TUT7: variants seen among roughly 807,000 people sequenced by gnomAD.
TUT7 encodes terminal uridylyltransferase 7.
TUT7 carries 33 observed loss-of-function variants against 165.9 expected under a neutral mutation model. The ratio of observed to expected loss-of-function variants is 0.20; its 90% CI spans 0.15 to 0.27. TUT7 has a LOEUF of 0.27. Ranked by LOEUF, TUT7 falls within the 10% of genes least tolerant of loss-of-function variation. TUT7 has a pLI of 1.00. For synonymous variants in TUT7, 552 were observed against 608.1 expected (o/e 0.91, Z 1.36); for missense variants, 1,338 against 1,762.3 (o/e 0.76, Z 4.31).
chr9:86,348,987 A>G (rs1832028867), intron 2 of TUT7, among the ~76,000 whole-genome samples: 1 of 152,126 alleles, frequency 6.6e-6, no homozygotes. Context: ...GGTACTGATG[A>G]AAAATTCTTG....
At chr9:86,331,949 T>C (rs1587967664) in intron 10 of TUT7, among the ~76,000 whole-genome samples, 1 of 152,116 alleles carries the variant, frequency 6.6e-6, no homozygotes, top group East Asian at 1.9e-4. Context: ...AAGGGCATGA[T>C]CAGATGCTTT....
chr9:86,323,902 T>C lies in TUT7; in HGVS notation c.1848A>G (p.Glu616=). 6.2e-7 allele frequency: 1 copy of C among 1,611,892 alleles called. No homozygotes were observed. ...TTGTCCTTAAACAATGAAGTATATA[T>C]TCAAACACAGGTTGACTATTTAGGG... is the stretch of plus-strand genomic sequence containing the variant. ...ARTLNSQPVF[E]YILHCLRTTY... is the part of the protein sequence containing the mutation. Residue 616 remains glutamate, a synonymous_variant, in exon 13 of 27, where the codon GAA becomes GAG. Coordinates refer to ENST00000375963, the MANE Select transcript of TUT7 (RefSeq NM_024617.4).
intron 26 of TUT7, among the ~76,000 whole-genome samples, chr9:86,296,342 T>C (rs1826316586): frequency 6.6e-6 from 1 of 152,248 alleles, no homozygotes; most frequent in Non-Finnish European, 1.5e-5. Context: ...ACTCATGTTC[T>C]TGACCATTCT....
At chr9:86,301,690 G>A (rs1433496102) in intron 25 of TUT7, 89 bp from the exon 26 acceptor site, 1 of 1,516,500 alleles carries the variant, frequency 6.6e-7, no homozygotes, top group Admixed American at 2.3e-5. Flanking sequence ...GGCAATTCTA[G>A]ATTTAAGAGA....
At chr9:86,329,188 T>C (rs1830079481) in intron 10 of TUT7, among the ~76,000 whole-genome samples, 1 of 151,956 alleles carries the variant, frequency 6.6e-6, no homozygotes, top group Non-Finnish European at 1.5e-5. Flanking sequence ...GCTGAACAGG[T>C]TTCTTCATCG....
chr9:86,305,314 A>G, intron 22 of TUT7, 75 bp from the exon 23 acceptor site: 1 of 987,366 alleles, frequency 1.0e-6, no homozygotes, highest in Admixed American at 2.5e-5. Flanking sequence ...AGTAAAGTTC[A>G]TAAAACAAGA....
chr9:86,333,982 G>C (rs1439273405), intron 10 of TUT7, among the ~76,000 whole-genome samples: 1 of 152,148 alleles, frequency 6.6e-6, no homozygotes, highest in Non-Finnish European at 1.5e-5. Context: ...TTGTAGTTCA[G>C]ACCTTGTGAT....
At chr9:86,346,502 T>G in intron 2 of TUT7, 22 bp from the exon 3 acceptor site, 2 of 1,607,180 alleles carry the variant, frequency 1.2e-6, no homozygotes, top group Non-Finnish European at 1.7e-6. Flanking sequence ...GGAAAAATAT[T>G]ATTGGCAATA....
At chr9:86,299,461 TG>T (rs1355891540) in intron 26 of TUT7, among the ~76,000 whole-genome samples, 1 of 152,182 alleles carries the variant, frequency 6.6e-6, no homozygotes, top group Non-Finnish European at 1.5e-5. Context: ...AAGAAGCAGC[TG>T]ATTATTTTTG....
intron 2 of TUT7, among the ~76,000 whole-genome samples, chr9:86,349,714 T>C (rs527446646): frequency 3.2e-4 from 49 of 152,316 alleles, no homozygotes; most frequent in African/African-American, 1.1e-3. Flanking sequence ...CAGTTGAATC[T>C]CTCTAAACTA....
rs7859436 is a variant in TUT7, at chr9:86,311,668, G to C, written c.3275-859C>G. 3.3e-5 allele frequency among the ~76,000 whole-genome samples: 5 copies of C among 151,950 alleles called. No individual in the cohort carries two copies. Among genetic ancestry groups the C allele is most frequent in the African/African-American group, 4.8e-5 (2 of 41,350 alleles). ...CTGATGCCGGTCTCCCTCTGATGCCGAGCCGAAGCTGGACTGTACCGCTGC... is the reference window on the plus strand; with the variant it reads ...CTGATGCCGGTCTCCCTCTGATGCCCAGCCGAAGCTGGACTGTACCGCTGC... On this transcript the variant is annotated intron_variant, in intron 17 of 26. Transcript: ENST00000375963. This position sits in a 1 kb window ranked among gnomAD's most constrained non-coding sequence, Gnocchi z 4.4.
At chr9:86,297,968 T>C (rs1440996960) in intron 26 of TUT7, among the ~76,000 whole-genome samples, 1 of 143,524 alleles carries the variant, frequency 7.0e-6, no homozygotes, top group Non-Finnish European at 1.5e-5. Context: ...TTTCCAATCC[T>C]GTTCCACTCC....
intron 26 of TUT7, among the ~76,000 whole-genome samples, chr9:86,294,218 A>G (rs1826114151): frequency 6.6e-6 from 1 of 151,672 alleles, no homozygotes; most frequent in Non-Finnish European, 1.5e-5. Context: ...CTACTTTACA[A>G]AAGAAAGGCG....
chr9:86,335,868 CTT>C lies in TUT7; in HGVS notation c.1455+1549_1455+1550del, dbSNP rs567741608. 7.9e-5 allele frequency among the ~76,000 whole-genome samples: 12 copies of C among 152,254 alleles called. No individual in the cohort carries two copies. The South Asian group carries it at 2.5e-3, about 32-fold the overall frequency. On this transcript the variant is annotated intron_variant, in intron 10 of 26. Transcript: ENST00000375963. ...CCAGTGTTTGATCACTGCATACCTG[CTT>C]TTGTCATTAAATTTTGAACAAACAT... is the stretch of plus-strand genomic sequence containing the variant.
intron 22 of TUT7, among the ~76,000 whole-genome samples, chr9:86,306,561 C>A (rs1334093899): frequency 2.0e-5 from 3 of 152,140 alleles, no homozygotes; most frequent in African/African-American, 4.8e-5. Flanking sequence ...AATCCCAGCA[C>A]TTTGGGAGGC....
At chr9:86,308,103 T>C (rs1827688294) in intron 22 of TUT7, among the ~76,000 whole-genome samples, 1 of 152,148 alleles carries the variant, frequency 6.6e-6, no homozygotes, top group African/African-American at 2.4e-5. Flanking sequence ...ATGAAGATCT[T>C]GAAAATTCAC....
intron 2 of TUT7, among the ~76,000 whole-genome samples, chr9:86,348,374 G>T (rs954165357): frequency 6.6e-6 from 1 of 152,192 alleles, no homozygotes; most frequent in Admixed American, 6.5e-5. Flanking sequence ...CCATTGTACA[G>T]ATGGGGACAA....
chr9:86,330,009 C>A (rs1244290581), intron 10 of TUT7, among the ~76,000 whole-genome samples: 5 of 152,132 alleles, frequency 3.3e-5, no homozygotes, highest in Admixed American at 3.3e-4. Context: ...TAGTCTCTTG[C>A]CCCAATTGGA....
At chr9:86,310,174 C>A (rs1827905315) in intron 18 of TUT7, among the ~76,000 whole-genome samples, 157 bp from the exon 19 acceptor site, 1 of 152,016 alleles carries the variant, frequency 6.6e-6, no homozygotes, top group Non-Finnish European at 1.5e-5. Flanking sequence ...CCCCATCAGC[C>A]TCCCAAAGTG....
Sources: allele counts gnomAD v4.1 joint callset (sites outside exome capture counted in the v4.1 genomes callset), GRCh38; gene constraint gnomAD v4.1.1; non-coding constraint Gnocchi (gnomAD v3.1); transcripts MANE v1.5; gene names NCBI Gene and HGNC (gene_info 2026-07-23, HGNC 2026-07-21).